TRPM3: variants seen among roughly 807,000 people sequenced by gnomAD.
The protein encoded by TRPM3 is transient receptor potential cation channel subfamily M member 3.
TRPM3 carries 77 observed loss-of-function variants against 181.2 expected under a neutral mutation model. That is an observed-to-expected ratio of 0.42 (90% CI 0.35 to 0.51). The LOEUF is 0.51. Among genes scored for constraint, TRPM3 ranks in the 20% least tolerant of loss-of-function variants. The pLI is 0.01. For synonymous variants in TRPM3, 745 were observed against 796.4 expected, an observed-to-expected ratio of 0.94 and a Z score of 1.09; for missense variants, 1,759 against 2,196.7, an observed-to-expected ratio of 0.80 and a Z score of 3.98.
At chr9:70,856,995 A>G (rs2095405749) in intron 3 of TRPM3, among the ~76,000 whole-genome samples, 1 of 152,188 alleles carries the variant, frequency 6.6e-6, no homozygotes, top group Non-Finnish European at 1.5e-5. Flanking sequence ...GATGTAGAAG[A>G]GTCTTTGAGA....
intron 1 of TRPM3, among the ~76,000 whole-genome samples, chr9:70,908,992 G>A (rs1482511467): frequency 6.6e-6 from 1 of 152,130 alleles, no homozygotes; most frequent in African/African-American, 2.4e-5. Context: ...ATGGGAAATG[G>A]GAAATAAAGT....
At chr9:70,873,453 A>C (rs1364003540) in intron 1 of TRPM3, among the ~76,000 whole-genome samples, 1 of 151,994 alleles carries the variant, frequency 6.6e-6, no homozygotes, top group East Asian at 1.9e-4. Context: ...ATCTTTCTTC[A>C]AATTTCTTCA....
chr9:70,654,563 G>A (rs1224977362), intron 9 of TRPM3, among the ~76,000 whole-genome samples: 2 of 151,914 alleles, frequency 1.3e-5, no homozygotes, highest in East Asian at 1.9e-4. Context: ...AGCACACATC[G>A]ATCCACCACA....
chr9:70,864,645 G>A (rs2095608003), intron 1 of TRPM3, 134 bp from the exon 2 acceptor site: 1 of 485,012 alleles, frequency 2.1e-6, no homozygotes, highest in East Asian at 3.4e-5. Context: ...AACTGAAATT[G>A]TGATTATTTC....
At chr9:71,265,521 A>T (rs540251031) in intron 1 of TRPM3, among the ~76,000 whole-genome samples, 1 of 152,322 alleles carries the variant, frequency 6.6e-6, no homozygotes, top group South Asian at 2.1e-4. Flanking sequence ...GATTATATAC[A>T]TCAAGTCAAC....
At chr9:71,377,082 A>G (rs1312810899) in intron 1 of TRPM3, among the ~76,000 whole-genome samples, 3 of 152,124 alleles carry the variant, frequency 2.0e-5, no homozygotes, top group Non-Finnish European at 2.9e-5. Context: ...AGGAATTTAT[A>G]CAAATGTAGA....
Position 70,949,472 on chromosome 9 carries a change from G to A in TRPM3, c.178-84961C>T, listed in dbSNP as rs916260208. Among the ~76,000 whole-genome samples, 6 of 152,106 alleles carry A rather than the reference G, an allele frequency of 3.9e-5. No individual in the cohort carries two copies. The South Asian group carries it at 6.2e-4, about 16-fold the overall frequency. ...CCACACCTTCCAGTAAAAGGAGGAA[G>A]TGAAACCGAAGAGACTGGCAAGGGC... On this transcript the variant is annotated intron_variant, in intron 1 of 25. Transcript: ENST00000677713.
chr9:71,065,649 C>T lies in TRPM3; in HGVS notation c.177+55529G>A, dbSNP rs183446174. 1.9e-3 allele frequency among the ~76,000 whole-genome samples: 290 copies of T among 152,278 alleles called. 1 individual carries two copies. The highest frequency in any genetic ancestry group is 6.6e-3 in the African/African-American group (275 of 41,560). On this transcript the variant is annotated intron_variant, in intron 1 of 25. Transcript: ENST00000677713. ...AAAACATAACTTACCTAAAATATCA[C>T]TCATCAAATCACTTCAATTGTCCAA...
chr9:70,914,439 A>G (rs934792567), intron 1 of TRPM3, among the ~76,000 whole-genome samples: 5 of 152,244 alleles, frequency 3.3e-5, no homozygotes, highest in Non-Finnish European at 5.9e-5. Flanking sequence ...CATGATATGT[A>G]TTTCTTAGTC....
At chr9:71,297,501 G>A (rs894091795) in intron 1 of TRPM3, among the ~76,000 whole-genome samples, 3 of 152,160 alleles carry the variant, frequency 2.0e-5, no homozygotes, top group Non-Finnish European at 2.9e-5. Flanking sequence ...GGAAGGGGAA[G>A]CAAACACGTC....
At chr9:71,170,437 T>C (rs2076793923) in intron 1 of TRPM3, among the ~76,000 whole-genome samples, 1 of 152,206 alleles carries the variant, frequency 6.6e-6, no homozygotes, top group Non-Finnish European at 1.5e-5. Context: ...GTATGAATTT[T>C]ACCAAGAGTT....
chr9:70,560,945 C>T (rs1316370662), intron 22 of TRPM3, among the ~76,000 whole-genome samples: 1 of 152,188 alleles, frequency 6.6e-6, no homozygotes, highest in Non-Finnish European at 1.5e-5. Flanking sequence ...TTAATATGCA[C>T]ACCATCTTGT....
intron 1 of TRPM3, among the ~76,000 whole-genome samples, chr9:71,059,449 C>T (rs2061056048): frequency 6.6e-6 from 1 of 152,042 alleles, no homozygotes; most frequent in Non-Finnish European, 1.5e-5. Flanking sequence ...GCAAATGTTT[C>T]CTGTTTAGTT....
chr9:71,292,338 AG>A (rs2085886522), intron 1 of TRPM3, among the ~76,000 whole-genome samples: 1 of 152,056 alleles, frequency 6.6e-6, no homozygotes, highest in African/African-American at 2.4e-5. Context: ...ATGAGAAAAA[AG>A]AATAGAAAAC....
chr9:71,420,207 G>T (rs974946983), intron 1 of TRPM3, among the ~76,000 whole-genome samples: 1 of 151,938 alleles, frequency 6.6e-6, no homozygotes, highest in Non-Finnish European at 1.5e-5. Flanking sequence ...TGGAAAGTCT[G>T]TTATGAGGGA....
intron 1 of TRPM3, among the ~76,000 whole-genome samples, chr9:70,924,647 T>C (rs2096701628): frequency 6.6e-6 from 1 of 152,236 alleles, no homozygotes; most frequent in Non-Finnish European, 1.5e-5. Flanking sequence ...ACAGTCTCTC[T>C]GGCAGCATAT....
intron 1 of TRPM3, among the ~76,000 whole-genome samples, chr9:71,061,889 C>T (rs1257798755): frequency 5.3e-5 from 8 of 152,012 alleles, no homozygotes; most frequent in Non-Finnish European, 1.0e-4. Flanking sequence ...TAGTGCATCT[C>T]TGGACCCAAG....
rs2093346010 is a variant in TRPM3 at position 70,823,563 on chromosome 9, G to A, written c.973+4284C>T. On this transcript the variant is annotated intron_variant, in intron 6 of 25. Coordinates refer to ENST00000677713, the MANE Select transcript of TRPM3 (RefSeq NM_001366145.2). ...ACCTAATAGAAACTGTCCTCCCAAT[G>A]CACACGTGTGCATGCACACAAGTGC... is the stretch of plus-strand genomic sequence containing the variant. 2.6e-5 allele frequency among the ~76,000 whole-genome samples: 4 copies of A among 152,170 alleles called. No homozygotes were observed. In the South Asian group the frequency reaches 8.3e-4, roughly 32 times the overall value.
chr9:71,221,929 G>A (rs551509982), intron 1 of TRPM3, among the ~76,000 whole-genome samples: 75 of 152,308 alleles, frequency 4.9e-4, no homozygotes, highest in Non-Finnish European at 8.1e-4. Flanking sequence ...GTGCCCAGTC[G>A]TTTGAAATTT....
Sources: gnomAD v4.1 joint callset for allele counts (sites outside exome capture counted in the v4.1 genomes callset) on GRCh38, gnomAD v4.1.1 for gene constraint, MANE v1.5 for transcripts, NCBI Gene and HGNC (gene_info 2026-07-23, HGNC 2026-07-21) for gene names.